The following FAM114A2 variants were observed in gnomAD, a reference collection of about 807,000 sequenced individuals.
FAM114A2 encodes family with sequence similarity 114 member A2.
Under a neutral mutation model 58.4 loss-of-function variants are expected in FAM114A2, and 53 were observed. The observed-to-expected ratio is 0.91, with a 90% CI of 0.73 to 1.14. The LOEUF (loss-of-function observed/expected upper bound fraction) is 1.14. Among genes scored for constraint, FAM114A2 ranks in the 50% most tolerant of loss-of-function variants. FAM114A2 has a pLI of 0.00. For missense variants in FAM114A2, 601 were observed against 581.1 expected, an observed-to-expected ratio of 1.03 and a Z score of -0.35; for synonymous variants, 228 against 211.4, an observed-to-expected ratio of 1.08 and a Z score of -0.68.
At position 153,990,463 on chromosome 5, in the gene FAM114A2, A is replaced by T. The variant is rs1277870663; in HGVS notation, c.*2513T>A. ...TGCCATCTATAAAAATTACAATTTC[A>T]CATTTCAGAGGCCTGCCAACCTGGA... On this transcript the variant is annotated 3_prime_UTR_variant, in exon 14 of 14. Transcript: ENST00000351797. 2 of 151,252 alleles carry T rather than the reference A, an allele frequency of 1.3e-5. No homozygotes were observed. The highest frequency in any genetic ancestry group is 1.5e-5 in the Non-Finnish European group (1 of 67,904). 9.4% of individuals were successfully genotyped at this position (151,252 alleles called of 1,614,324 possible).
intron 4 of FAM114A2, among the ~76,000 whole-genome samples, chr5:154,030,097 A>C (rs1416682548): frequency 1.3e-5 from 2 of 152,202 alleles, no homozygotes; most frequent in Non-Finnish European, 2.9e-5. Context: ...CAGTATAAAC[A>C]GAAGTATATA....
chr5:154,033,921 A>C (rs1253955287), intron 3 of FAM114A2, 38 bp from the exon 4 acceptor site: 1 of 1,311,344 alleles, frequency 7.6e-7, no homozygotes, highest in Non-Finnish European at 1.1e-6. Flanking sequence ...GCTATTTGTC[A>C]CCAAAACTGA....
chr5:154,018,606 A>T (rs925573029), intron 8 of FAM114A2, among the ~76,000 whole-genome samples: 2 of 152,158 alleles, frequency 1.3e-5, no homozygotes, highest in African/African-American at 4.8e-5. Flanking sequence ...CATAACCAAA[A>T]AAGAAAACTA....
chr5:154,002,934 A>G lies in FAM114A2; in HGVS notation c.1029T>C (p.Ser343=). 6.2e-7 allele frequency: 1 copy of G among 1,613,872 alleles called. No individual in the cohort carries two copies. The highest frequency in any genetic ancestry group is 8.5e-7 in the Non-Finnish European group (1 of 1,179,788). ...RNTAHEWIRK[S]LTKPLAENEE... ...CATTCTCTGCTAATGGCTTGGTCAG[A>G]GACTTCCTGATCCATTCGTGGGCGG... is the stretch of plus-strand genomic sequence containing the variant. The change falls in exon 10 of 14, where the codon TCT becomes TCC. Residue 343 remains serine, a synonymous_variant. Transcript: ENST00000351797.
chr5:154,028,070 A>G, intron 6 of FAM114A2, 79 bp downstream of exon 6: 1 of 1,254,526 alleles, frequency 8.0e-7, no homozygotes, highest in Admixed American at 2.3e-5. Context: ...AGAAAACACT[A>G]ACAAGGTTCC....
Position 154,002,859 on chromosome 5 carries a change from T to G in FAM114A2, c.1104A>C (p.Lys368Asn). ...TTGCTTTGGCTACCTCTATTGAATT[T>G]TTGTTGACTTGCTCAGTATTTTCTG... ...SEAENTEQVN[K>N]NSIEDIHAFA... The change falls in exon 10 of 14, where the codon AAA becomes AAC. Residue 368 changes from lysine to asparagine, a missense_variant. Transcript: ENST00000351797. 6.2e-7 allele frequency: 1 copy of G among 1,614,118 alleles called. No homozygotes were observed. Among genetic ancestry groups the G allele is most frequent in the African/African-American group, 1.3e-5 (1 of 75,072 alleles).
Position 154,002,389 on chromosome 5 carries a change from TC to T in FAM114A2, c.1117del (p.Asp373IlefsTer13), listed in dbSNP as rs1770036859. On this transcript the variant is annotated frameshift_variant and splice_region_variant, in exon 11 of 14. Coordinates refer to ENST00000351797, the MANE Select transcript of FAM114A2 (RefSeq NM_018691.4). LOFTEE classifies it high-confidence loss of function. ...GCTCCGGATTGCAAACGCATGGATATCCTGGATGGAAAAACAAAACAAAGCA... is the reference window on the plus strand; with the variant it reads ...GCTCCGGATTGCAAACGCATGGATATCTGGATGGAAAAACAAAACAAAGCA... ...TEQVNKNSIE[D>X]IHAFAIRSLA... 1 of 1,613,356 alleles carries T rather than the reference TC, an allele frequency of 6.2e-7. No homozygotes were observed. The highest frequency in any genetic ancestry group is 1.3e-5 in the African/African-American group (1 of 74,934).
chr5:154,000,261 A>G (rs1327357573), intron 11 of FAM114A2, among the ~76,000 whole-genome samples: 1 of 152,208 alleles, frequency 6.6e-6, no homozygotes, highest in Non-Finnish European at 1.5e-5. Context: ...ATACAGTTAG[A>G]TAGAAAAAAA....
At chr5:154,001,594 A>C (rs1005660087) in intron 11 of FAM114A2, among the ~76,000 whole-genome samples, 3 of 152,180 alleles carry the variant, frequency 2.0e-5, no homozygotes, top group African/African-American at 7.2e-5. Flanking sequence ...ACTCTTATAC[A>C]TTTGTTTCCA....
chr5:154,035,632 A>T (rs1039828908), intron 1 of FAM114A2, among the ~76,000 whole-genome samples: 1 of 152,222 alleles, frequency 6.6e-6, no homozygotes, highest in Non-Finnish European at 1.5e-5. Flanking sequence ...TATTATAAAT[A>T]AAACAGCTAT....
chr5:154,000,229 A>G (rs1266962771), intron 11 of FAM114A2, among the ~76,000 whole-genome samples: 2 of 152,164 alleles, frequency 1.3e-5, no homozygotes, highest in Non-Finnish European at 2.9e-5. Context: ...GGATGAAGAG[A>G]AGTTGGTTAA....
intron 8 of FAM114A2, among the ~76,000 whole-genome samples, chr5:154,024,477 T>C (rs1216985560): frequency 6.6e-6 from 1 of 152,192 alleles, no homozygotes; most frequent in African/African-American, 2.4e-5. Context: ...ATATCTAGTT[T>C]AACAGATGAC....
At position 154,026,501 on chromosome 5, in the gene FAM114A2, G is replaced by T. The variant is rs754928598; in HGVS notation, c.811C>A (p.Leu271Met). ...AGAGTCTCTAATTCTTCTCCACTCA[G>T]AGAATTAAGGATAGATTTCACCTGA... Reference protein sequence around the residue: ...EIKVKSILNSLSGEELETLKV... With the variant: ...EIKVKSILNSMSGEELETLKV... The change falls in exon 8 of 14, where the codon CTG becomes ATG. Residue 271 changes from leucine to methionine, a missense_variant. Physicochemically the swap from Leu to Met is conservative, Grantham distance 15. Transcript: ENST00000351797. 2.6e-6 allele frequency: 4 copies of T among 1,534,392 alleles called. No individual in the cohort carries two copies. The highest frequency in any genetic ancestry group is 1.8e-6 in the Non-Finnish European group (2 of 1,140,910).
rs1214390329 is a variant in FAM114A2, at chr5:153,991,177, C to T, written c.*1799G>A. ...GACCTAATCTAAAATTTGCCAAATT[C>T]AGGGCTGAAATCTGAATAGGTGTAT... On this transcript the variant is annotated 3_prime_UTR_variant, in exon 14 of 14. Transcript: ENST00000351797. 6.6e-6 allele frequency: 1 copy of T among 152,094 alleles called. No homozygotes were observed. Among genetic ancestry groups the T allele is most frequent in the Non-Finnish European group, 1.5e-5 (1 of 68,012 alleles). The allele number at this position is 152,094 out of a possible 1,614,324, so 9.4% of individuals were successfully genotyped here.
chr5:154,032,980 T>C (rs954788820), intron 4 of FAM114A2, among the ~76,000 whole-genome samples: 1 of 152,208 alleles, frequency 6.6e-6, no homozygotes, highest in East Asian at 1.9e-4. Context: ...TTCACATCCA[T>C]AGTCCTTTGC....
At chr5:154,038,798 T>C in intron 1 of FAM114A2, 59 bp downstream of exon 1, 1 of 152,586 alleles carries the variant, frequency 6.6e-6, no homozygotes, top group Non-Finnish European at 1.5e-5. Context: ...CGACTTCGGC[T>C]GCCCGGGCCC....
In FAM114A2 at chr5:154,034,373, T is replaced by G; in HGVS notation, c.215A>C (p.Asn72Thr). The change falls in exon 3 of 14, where the codon AAT becomes ACT. Residue 72 changes from asparagine (N) to threonine (T), a missense_variant. Coordinates refer to ENST00000351797, the MANE Select transcript of FAM114A2 (RefSeq NM_018691.4). ...GGTCTGGGGTACATCTTTGGAAACA[T>G]TATCCTAATTTCCCAGTAGGCAGAA... ...ETSKVLPIQDNVSKDVPQTRW... is the reference protein window; with the variant it reads ...ETSKVLPIQDTVSKDVPQTRW... 1 of 1,550,888 alleles carries G rather than the reference T, an allele frequency of 6.4e-7. No homozygotes were observed. Among genetic ancestry groups the G allele is most frequent in the Non-Finnish European group, 8.7e-7 (1 of 1,149,364 alleles).
At chr5:153,993,460 G>C (rs1246086228) in intron 13 of FAM114A2, among the ~76,000 whole-genome samples, 3 of 152,094 alleles carry the variant, frequency 2.0e-5, no homozygotes, top group Non-Finnish European at 4.4e-5. Flanking sequence ...ACTGAAAGAG[G>C]CTTTCAGAAG....
chr5:154,008,133 A>G (rs1770466605), intron 9 of FAM114A2, among the ~76,000 whole-genome samples: 1 of 152,174 alleles, frequency 6.6e-6, no homozygotes, highest in Admixed American at 6.5e-5. Context: ...GAACAAATAT[A>G]GTATGTTGAC....
Sources: allele counts gnomAD v4.1 joint callset (sites outside exome capture counted in the v4.1 genomes callset), GRCh38; gene constraint gnomAD v4.1.1; transcripts MANE v1.5; gene names NCBI Gene and HGNC (gene_info 2026-07-23, HGNC 2026-07-21).